Variants in KIF26B observed in about 807,000 individuals in gnomAD.
The protein encoded by KIF26B is kinesin-like protein KIF26B.
Under a neutral mutation model 151.2 loss-of-function variants are expected in KIF26B, and 63 were observed. The observed-to-expected ratio is 0.42, with a 90% CI of 0.34 to 0.51. The LOEUF is 0.51. KIF26B is among the 20% of genes least tolerant of loss of function. The probability of loss-of-function intolerance (pLI) is 0.07; values close to 1 mark genes in which losing one functional copy is unlikely to be tolerated. For missense variants in KIF26B, 2,813 were observed against 2,913.6 expected (o/e 0.97, Z 0.79); for synonymous variants, 1,357 against 1,262.1 (o/e 1.08, Z -1.59).
chr1:245,213,090 C>CA (rs1379166359), intron 2 of KIF26B, among the ~76,000 whole-genome samples: 2 of 152,124 alleles, frequency 1.3e-5, no homozygotes, highest in African/African-American at 4.8e-5. Context: ...CTGTTTTTTC[C>CA]AATTAACCTT....
At chr1:245,552,122 G>GGATGTGTGT (rs1553287300) in intron 5 of KIF26B, among the ~76,000 whole-genome samples, 1 of 131,614 alleles carries the variant, frequency 7.6e-6, no homozygotes, top group East Asian at 2.3e-4. Flanking sequence ...GAACCAGCAG[G>GGATGTGTGT]GTGTGTGTGT....
chr1:245,567,911 C>T (rs183239819), intron 5 of KIF26B, among the ~76,000 whole-genome samples: 4 of 152,064 alleles, frequency 2.6e-5, no homozygotes, highest in East Asian at 1.9e-4. Flanking sequence ...GGGCCGGGCA[C>T]GGTGGCTCAC....
chr1:245,341,015 A>G (rs1388180388), intron 2 of KIF26B, among the ~76,000 whole-genome samples: 2 of 152,096 alleles, frequency 1.3e-5, no homozygotes, highest in Non-Finnish European at 2.9e-5. Context: ...CATTTTATTG[A>G]CACTTTTCAT....
At chr1:245,607,418 G>A (rs1219784354) in intron 6 of KIF26B, among the ~76,000 whole-genome samples, 2 of 152,298 alleles carry the variant, frequency 1.3e-5, no homozygotes, top group East Asian at 3.9e-4. Context: ...AACGTACCAC[G>A]GATTAGCAGA....
At chr1:245,661,671 C>G (rs1287244087) in intron 10 of KIF26B, among the ~76,000 whole-genome samples, 1 of 146,830 alleles carries the variant, frequency 6.8e-6, no homozygotes, top group African/African-American at 2.6e-5. Context: ...CACACACACT[C>G]AATATATATA....
intron 2 of KIF26B, among the ~76,000 whole-genome samples, chr1:245,215,169 A>G (rs892595475): frequency 6.6e-6 from 1 of 152,016 alleles, no homozygotes; most frequent in East Asian, 1.9e-4. Flanking sequence ...GGCTCAGGCT[A>G]TGATGGAAAA....
chr1:245,237,177 G>T (rs571372466), intron 2 of KIF26B, among the ~76,000 whole-genome samples: 23 of 152,164 alleles, frequency 1.5e-4, no homozygotes, highest in African/African-American at 5.5e-4. Flanking sequence ...CTTGCCCATT[G>T]CCCCTGGTGG....
At chr1:245,661,279 C>A (rs12407123) in intron 10 of KIF26B, among the ~76,000 whole-genome samples, 1 of 151,828 alleles carries the variant, frequency 6.6e-6, no homozygotes, top group Non-Finnish European at 1.5e-5. Context: ...TGAGCCACTG[C>A]GCCTGGCCCA....
At chr1:245,679,748 C>T (rs1284010549) in intron 10 of KIF26B, among the ~76,000 whole-genome samples, 1 of 152,092 alleles carries the variant, frequency 6.6e-6, no homozygotes, top group Non-Finnish European at 1.5e-5. Flanking sequence ...GGATTACAGG[C>T]GTGAGCCACG....
intron 5 of KIF26B, among the ~76,000 whole-genome samples, chr1:245,590,005 G>C (rs1333054323): frequency 6.6e-6 from 1 of 152,198 alleles, no homozygotes; most frequent in Non-Finnish European, 1.5e-5. Flanking sequence ...GTCTGCGTCT[G>C]CAGACGCAGC....
chr1:245,662,354 A>T (rs182497879), intron 10 of KIF26B, among the ~76,000 whole-genome samples: 7 of 146,384 alleles, frequency 4.8e-5, no homozygotes, highest in Non-Finnish European at 1.0e-4. Context: ...CCCTATATAT[A>T]TATACACCCA....
Position 245,497,153 on chromosome 1 carries a change from C to CAA in KIF26B, c.1167-43600_1167-43599dup, listed in dbSNP as rs35741176. 3.8e-3 allele frequency among the ~76,000 whole-genome samples: 381 copies of CAA among 101,072 alleles called. 9 individuals are homozygous for CAA. In the East Asian group the frequency reaches 0.062, roughly 16 times the overall value. The allele number at this position is 101,072 out of a possible 152,430, so 66.3% of individuals were successfully genotyped here. ...GGGCAACAAGGGTGAAACTCCATCT[C>CAA]AAAAAAAAAAAAAAAGATAAGTATC... On this transcript the variant is annotated intron_variant, in intron 4 of 14. Coordinates refer to ENST00000407071, the MANE Select transcript of KIF26B (RefSeq NM_018012.4).
intron 3 of KIF26B, among the ~76,000 whole-genome samples, chr1:245,407,527 C>G (rs1558153832): frequency 6.6e-6 from 1 of 152,014 alleles, no homozygotes; most frequent in Non-Finnish European, 1.5e-5. Flanking sequence ...TTCCCCGAAT[C>G]CAGCAATTTG....
chr1:245,407,964 G>A (rs1048486679), intron 3 of KIF26B, among the ~76,000 whole-genome samples: 21 of 151,764 alleles, frequency 1.4e-4, no homozygotes, highest in African/African-American at 4.4e-4. Flanking sequence ...CATTCAGTGC[G>A]GGGAACAAGT....
At chr1:245,695,723 C>T (rs2044684488) in intron 12 of KIF26B, among the ~76,000 whole-genome samples, 1 of 152,116 alleles carries the variant, frequency 6.6e-6, no homozygotes, top group Non-Finnish European at 1.5e-5. Flanking sequence ...CTGTTGTAGC[C>T]CAGTGAAATG....
chr1:245,597,553 G>C lies in KIF26B; in HGVS notation c.1351-5024G>C, dbSNP rs1040694085. On this transcript the variant is annotated intron_variant, in intron 5 of 14. Coordinates refer to ENST00000407071, the MANE Select transcript of KIF26B (RefSeq NM_018012.4). The surrounding 1 kb of genome is among the most constrained non-coding windows in gnomAD (Gnocchi z 4.6). ...GGGTAACCTGACCTTTCTCTCTAGT[G>C]CCCATAACATTTTTCCATCATTTCA... Among the ~76,000 whole-genome samples, 25 of 152,150 alleles carry C rather than the reference G, an allele frequency of 1.6e-4. No homozygotes were observed. The highest frequency in any genetic ancestry group is 5.8e-4 in the African/African-American group (24 of 41,436).
In KIF26B at chr1:245,352,942, T is replaced by C. The variant is rs74153549; in HGVS notation, c.466-13892T>C. Among the ~76,000 whole-genome samples, 5,740 of 152,266 alleles carry C rather than the reference T, an allele frequency of 0.038. 352 individuals carry two copies. The highest frequency in any genetic ancestry group is 0.13 in the African/African-American group (5,452 of 41,526). On this transcript the variant is annotated intron_variant, in intron 2 of 14. Coordinates refer to ENST00000407071, the MANE Select transcript of KIF26B (RefSeq NM_018012.4). This position sits in a 1 kb window ranked among gnomAD's most constrained non-coding sequence, Gnocchi z 5.0. ...ACTTTTGCTTTTTACTCTTTTCCAC[T>C]GAGTCTGCTCATATTATTCATACGA...
At chr1:245,423,093 G>A in intron 4 of KIF26B, among the ~76,000 whole-genome samples, 1 of 117,134 alleles carries the variant, frequency 8.5e-6, no homozygotes. Flanking sequence ...GTTGGACTCA[G>A]TCTCAAAAAA....
At chr1:245,431,878 C>G (rs1658790721) in intron 4 of KIF26B, among the ~76,000 whole-genome samples, 1 of 152,210 alleles carries the variant, frequency 6.6e-6, no homozygotes, top group African/African-American at 2.4e-5. Context: ...TTACAAGGCT[C>G]TGTGCACACC....
Sources: allele counts gnomAD v4.1 joint callset (sites outside exome capture counted in the v4.1 genomes callset), GRCh38; gene constraint gnomAD v4.1.1; non-coding constraint Gnocchi (gnomAD v3.1); transcripts MANE v1.5; gene names NCBI Gene and HGNC (gene_info 2026-07-23, HGNC 2026-07-21).